The following UBR4 variants were observed in gnomAD, a reference collection of about 807,000 sequenced individuals.
UBR4 encodes ubiquitin protein ligase E3 component n-recognin 4, also known as E3 ubiquitin-protein ligase UBR4.
A neutral mutation model predicts 575.6 loss-of-function variants in UBR4; 124 were observed. The observed-to-expected ratio is 0.22, with a 90% confidence interval of 0.19 to 0.25. The LOEUF is 0.25. Ranked by LOEUF, UBR4 falls within the 10% of genes least tolerant of loss-of-function variation. The probability of loss-of-function intolerance (pLI) is 1.00; values close to 1 mark genes in which losing one functional copy is unlikely to be tolerated. For missense variants in UBR4, 4,818 were observed against 6,478.8 expected, an observed-to-expected ratio of 0.74 and a Z score of 8.80; for synonymous variants, 2,455 against 2,473.7, an observed-to-expected ratio of 0.99 and a Z score of 0.22.
At chr1:19,147,612 G>C (rs1420397600) in intron 51 of UBR4, among the ~76,000 whole-genome samples, 1 of 152,162 alleles carries the variant, frequency 6.6e-6, no homozygotes, top group Non-Finnish European at 1.5e-5. Context: ...TCACCAACAA[G>C]TACAGTACAC....
chr1:19,196,154 A>T (rs1229777241), intron 8 of UBR4, among the ~76,000 whole-genome samples: 1 of 152,140 alleles, frequency 6.6e-6, no homozygotes, highest in Non-Finnish European at 1.5e-5. Context: ...TGCCTTTCTC[A>T]ACTGAAAGTG....
intron 1 of UBR4, among the ~76,000 whole-genome samples, chr1:19,202,063 C>T (rs1447611251): frequency 1.3e-5 from 2 of 151,962 alleles, no homozygotes; most frequent in Non-Finnish European, 2.9e-5. Context: ...CGTGGTGGCA[C>T]GTGCCTATAG....
intron 102 of UBR4, among the ~76,000 whole-genome samples, chr1:19,084,269 G>GC (rs1162752751): frequency 6.6e-6 from 1 of 152,242 alleles, no homozygotes; most frequent in African/African-American, 2.4e-5. Flanking sequence ...GCGGTCTTGG[G>GC]CTGCCCATGG....
intron 17 of UBR4, among the ~76,000 whole-genome samples, chr1:19,179,659 C>A (rs975125424): frequency 2.0e-5 from 3 of 152,206 alleles, no homozygotes; most frequent in Non-Finnish European, 4.4e-5. Flanking sequence ...ATTTAGAGAT[C>A]CGCAGTATTC....
At chr1:19,182,876 CT>C (rs941967559) in intron 17 of UBR4, among the ~76,000 whole-genome samples, 8 of 151,972 alleles carry the variant, frequency 5.3e-5, no homozygotes, top group Non-Finnish European at 7.4e-5. Flanking sequence ...ATTATTAAAA[CT>C]TTTTTTAAAT....
intron 56 of UBR4, 36 bp downstream of exon 56, chr1:19,141,611 G>GCTC (rs1274083914): frequency 1.3e-5 from 21 of 1,610,310 alleles, no homozygotes; most frequent in Non-Finnish European, 1.8e-5. Context: ...GAGTTGTGAA[G>GCTC]CTCCTCCTCC....
chr1:19,130,656 T>G lies in UBR4; in HGVS notation c.8907-1582A>C, dbSNP rs140718980. On this transcript the variant is annotated intron_variant, in intron 60 of 105. Coordinates refer to ENST00000375254, the MANE Select transcript of UBR4 (RefSeq NM_020765.3). ...TCTGTTAATAATTAGCCAAGCTAGG[T>G]GGGGACTACAAACGTTTAAGAATTG... Among the ~76,000 whole-genome samples the G allele has an allele frequency of 7.6e-4, 116 of 152,276 alleles. 2 individuals are homozygous for G. The East Asian group carries it at 0.019, about 25-fold the overall frequency.
chr1:19,094,578 A>G (rs1381019396), intron 94 of UBR4, among the ~76,000 whole-genome samples: 1 of 152,224 alleles, frequency 6.6e-6, no homozygotes, highest in African/African-American at 2.4e-5. Flanking sequence ...TGCCAAGTCC[A>G]GGGAAATGAA....
intron 100 of UBR4, 87 bp from the exon 101 acceptor site, chr1:19,086,357 G>T: frequency 1.9e-6 from 1 of 518,122 alleles, no homozygotes; most frequent in Non-Finnish European, 3.3e-6. Context: ...GGTGGGGGTG[G>T]GGGCATGCCA....
chr1:19,172,730 G>C (rs1462967191), intron 25 of UBR4, 134 bp downstream of exon 25: 1 of 813,408 alleles, frequency 1.2e-6, no homozygotes. Flanking sequence ...CTTCATACTA[G>C]AGAAGAAAGC....
Position 19,117,336 on chromosome 1 carries a change from T to C in UBR4, c.10708A>G (p.Thr3570Ala). 5.0e-6 allele frequency: 8 copies of C among 1,614,214 alleles called. No individual in the cohort carries two copies. The highest frequency in any genetic ancestry group is 6.8e-6 in the Non-Finnish European group (8 of 1,180,038). Residue 3570 changes from threonine to alanine, a missense_variant, in exon 73 of 106, where the codon ACC becomes GCC. Around this residue, in one of 29 missense-constraint regions of UBR4, gnomAD observed 550 missense variants for 791.5 expected, o/e 0.69. Coordinates refer to ENST00000375254, the MANE Select transcript of UBR4 (RefSeq NM_020765.3). The surrounding 1 kb of genome is among the most constrained non-coding windows in gnomAD (Gnocchi z 4.0). The stretch of plus-strand genomic sequence containing the variant: ...ATTTTCACTGTCACTTTGCTGATGG[T>C]GTGACTGCCAATGAGCTTCACAACC... ...QQVVKLIGSH[T>A]ISKVTVKIGD...
chr1:19,114,954 G>C lies in UBR4; in HGVS notation c.11064-5C>G, dbSNP rs369579169. ...TTTTCATCGTAGTTGATGGATCTGA[G>C]TAACCAAAGCGTTTGGGTCAGTAAG... On this transcript the variant is annotated splice_polypyrimidine_tract_variant and splice_region_variant and intron_variant, in intron 74 of 105. Transcript: ENST00000375254. The C allele has an allele frequency of 3.7e-6, 6 of 1,614,108 alleles. No homozygotes were observed. Among genetic ancestry groups the C allele is most frequent in the Non-Finnish European group, 5.1e-6 (6 of 1,180,042 alleles).
chr1:19,143,283 A>C (rs137998426), intron 55 of UBR4, among the ~76,000 whole-genome samples: 1 of 87,274 alleles, frequency 1.1e-5, no homozygotes, highest in Non-Finnish European at 2.5e-5. Context: ...AGAAAGAAAG[A>C]AAGAAAGAAA....
chr1:19,113,199 A>G, intron 77 of UBR4: 4 of 302,584 alleles, frequency 1.3e-5, no homozygotes, highest in African/African-American at 2.2e-5. Flanking sequence ...GTTGAGGGGG[A>G]AGGTAAACTG....
rs1280232756 is a variant in UBR4, at chr1:19,210,152, C to A, written c.97G>T (p.Val33Leu). The change falls in exon 1 of 106, where the codon GTG becomes TTG. Residue 33 changes from valine (V) to leucine (L), a missense_variant. Physicochemically the swap from Val to Leu is conservative, Grantham distance 32. Transcript: ENST00000375254. ...TAGGACGCGGACAGCAGGGGCCGCA[C>A]AGCCACCTCCCAGCCCGGGGTCGTG... ...ADTTPGWEVAVRPLLSASYSA... is the reference protein window; with the variant it reads ...ADTTPGWEVALRPLLSASYSA... 1.9e-6 allele frequency: 3 copies of A among 1,573,720 alleles called. No homozygotes were observed. Among genetic ancestry groups the A allele is most frequent in the Non-Finnish European group, 2.6e-6 (3 of 1,163,552 alleles).
rs1228725668 is a variant in UBR4, at chr1:19,192,197, G to A, written c.1385C>T (p.Pro462Leu). The A allele has an allele frequency of 1.2e-6, 2 of 1,613,476 alleles. No individual in the cohort carries two copies. The highest frequency in any genetic ancestry group is 1.7e-6 in the Non-Finnish European group (2 of 1,179,872). The stretch of plus-strand genomic sequence containing the variant: ...TCAAGTAGACACATACCCTTTTCCA[G>A]GCCCCAGTTTAGGGGAGCCCACTCC... ...KEGVGSPKLG[P>L]GKGHQGFGVL... The change falls in exon 11 of 106, where the codon CCT becomes CTT. Residue 462 changes from proline to leucine, a missense_variant. Transcript: ENST00000375254.
Position 19,165,771 on chromosome 1 carries a change from G to A in UBR4, c.4110-14C>T, listed in dbSNP as rs747605788. The A allele has an allele frequency of 1.0e-4, 164 of 1,603,500 alleles. No homozygotes were observed. Among genetic ancestry groups the A allele is most frequent in the Middle Eastern group, 3.3e-4 (2 of 6,054 alleles). On this transcript the variant is annotated splice_polypyrimidine_tract_variant and intron_variant, in intron 29 of 105. Coordinates refer to ENST00000375254, the MANE Select transcript of UBR4 (RefSeq NM_020765.3). Reference sequence around the variant, plus strand: ...TCATCCAGTCCACTGAGGATCAAACGGAAAACTTAACCACCAGTATTAAGA... The same window carrying A: ...TCATCCAGTCCACTGAGGATCAAACAGAAAACTTAACCACCAGTATTAAGA...
intron 104 of UBR4, among the ~76,000 whole-genome samples, chr1:19,077,229 C>T (rs1034654340): frequency 1.3e-5 from 2 of 152,164 alleles, no homozygotes; most frequent in Non-Finnish European, 2.9e-5. Context: ...TGTCTCATTC[C>T]GATGATGAAA....
In UBR4 at chr1:19,153,558, TCA is replaced by T; in HGVS notation, c.6631-58_6631-57del. 1.3e-6 allele frequency: 2 copies of T among 1,597,810 alleles called. No individual in the cohort carries two copies. The highest frequency in any genetic ancestry group is 1.7e-6 in the Non-Finnish European group (2 of 1,168,374). ...TTCCCACACCCACAGATCAGCATCC[TCA>T]CAGAAAAAGAGGCAGAGATGCAACT... On this transcript the variant is annotated intron_variant, in intron 45 of 105. Transcript: ENST00000375254. The surrounding 1 kb of genome is among the most constrained non-coding windows in gnomAD (Gnocchi z 4.1).
Sources: allele counts gnomAD v4.1 joint callset (sites outside exome capture counted in the v4.1 genomes callset), GRCh38; gene constraint gnomAD v4.1.1; regional missense constraint gnomAD v4.1.1; non-coding constraint Gnocchi (gnomAD v3.1); transcripts MANE v1.5; gene names NCBI Gene and HGNC (gene_info 2026-07-23, HGNC 2026-07-21).